LIMS1: variants seen among roughly 807,000 people sequenced by gnomAD.
LIMS1 encodes LIM zinc finger domain containing 1, also known as LIM and senescent cell antigen-like-containing domain protein 1.
LIMS1 carries 18 observed loss-of-function variants against 44.1 expected under a neutral mutation model. The observed-to-expected ratio is 0.41, with a 90% CI of 0.28 to 0.61. LIMS1 has a LOEUF of 0.61. LIMS1 is among the 20% of genes least tolerant of loss of function. The pLI is 0.32. For missense variants in LIMS1, 201 were observed against 422.0 expected, an observed-to-expected ratio of 0.48 and a Z score of 4.59; for synonymous variants, 93 against 149.1, an observed-to-expected ratio of 0.62 and a Z score of 2.74.
At chr2:108,640,519 G>A (rs1689600080) in intron 1 of LIMS1, among the ~76,000 whole-genome samples, 1 of 152,154 alleles carries the variant, frequency 6.6e-6, no homozygotes, top group African/African-American at 2.4e-5. Flanking sequence ...GGTTGAGCGT[G>A]GGGCCATTCC....
chr2:108,668,067 TG>T (rs1691909446), intron 2 of LIMS1, among the ~76,000 whole-genome samples: 1 of 152,174 alleles, frequency 6.6e-6, no homozygotes, highest in Admixed American at 6.5e-5. Flanking sequence ...TTTGTTTTTT[TG>T]TTTCTAATTG....
At chr2:108,607,201 CTT>C in intron 1 of LIMS1, 1 of 1,550,886 alleles carries the variant, frequency 6.4e-7, no homozygotes, top group Non-Finnish European at 8.7e-7. Flanking sequence ...GCATGGAGAG[CTT>C]AGCTTGGACA....
intron 1 of LIMS1, among the ~76,000 whole-genome samples, chr2:108,635,633 G>T (rs1052745961): frequency 7.6e-6 from 1 of 130,878 alleles, no homozygotes; most frequent in Non-Finnish European, 1.8e-5. Flanking sequence ...CCAGGAGGGG[G>T]AGGTTTCGGT....
chr2:108,597,955 G>C (rs1319007293), intron 1 of LIMS1, among the ~76,000 whole-genome samples: 1 of 152,072 alleles, frequency 6.6e-6, no homozygotes, highest in Non-Finnish European at 1.5e-5. Context: ...GCCTCCCAAA[G>C]TGGTGGGATT....
chr2:108,627,857 T>A (rs1688669689), intron 1 of LIMS1, among the ~76,000 whole-genome samples: 1 of 152,266 alleles, frequency 6.6e-6, no homozygotes, highest in Non-Finnish European at 1.5e-5. Context: ...ATGTTTCACA[T>A]AAATATGAAC....
chr2:108,588,985 A>G (rs1007710346), intron 1 of LIMS1, among the ~76,000 whole-genome samples: 2 of 152,264 alleles, frequency 1.3e-5, no homozygotes, highest in African/African-American at 2.4e-5. Flanking sequence ...AGAGCCTTCT[A>G]TAAAAGACCT....
At chr2:108,640,325 T>A (rs1689581623) in intron 1 of LIMS1, among the ~76,000 whole-genome samples, 1 of 152,202 alleles carries the variant, frequency 6.6e-6, no homozygotes, top group South Asian at 2.1e-4. Context: ...TTTCTAGAGA[T>A]CATCCAGGGA....
chr2:108,537,487 G>A (rs1377743223), intron 1 of LIMS1, among the ~76,000 whole-genome samples: 1 of 152,184 alleles, frequency 6.6e-6, no homozygotes, highest in African/African-American at 2.4e-5. Context: ...TGCCTTTCAG[G>A]ATTTTCCCTG....
chr2:108,549,220 T>G, intron 1 of LIMS1, among the ~76,000 whole-genome samples: 1 of 151,772 alleles, frequency 6.6e-6, no homozygotes, highest in Admixed American at 6.6e-5. Context: ...ACTTTTCAGT[T>G]GACTTGACAT....
chr2:108,545,179 G>C (rs1448758331), intron 1 of LIMS1, among the ~76,000 whole-genome samples: 1 of 152,122 alleles, frequency 6.6e-6, no homozygotes, highest in Non-Finnish European at 1.5e-5. Context: ...TGAAGAAATT[G>C]CATGGTTATC....
At chr2:108,606,589 T>G (rs1687277864) in intron 1 of LIMS1, among the ~76,000 whole-genome samples, 1 of 152,258 alleles carries the variant, frequency 6.6e-6, no homozygotes, top group Admixed American at 6.5e-5. Flanking sequence ...ATTTCTTAGG[T>G]ACCTACTGTT....
At chr2:108,680,736 G>A (rs766755888) in exon 9 of LIMS1, 1 of 1,610,162 alleles carries the variant, frequency 6.2e-7, no homozygotes, top group Non-Finnish European at 8.5e-7. Context: ...GAACTGCTTT[G>A]CCTGTTCTAC....
In LIMS1 at chr2:108,603,501, T is replaced by TTTTTG. The variant is rs1338620259; in HGVS notation, c.33-56100_33-56099insGTTTT. Among the ~76,000 whole-genome samples, 11 of 146,164 alleles carry TTTTTG rather than the reference T, an allele frequency of 7.5e-5. No homozygotes were observed. In the East Asian group the frequency reaches 1.8e-3, roughly 24 times the overall value. On this transcript the variant is annotated intron_variant, in intron 1 of 9. Coordinates refer to ENST00000544547, the Ensembl canonical transcript of LIMS1. ...AATGTCTCCTTTTCATCGCCTTTTTTTTTTTTTTTTTTTTTCCACTTGAGA... is the reference window on the plus strand; with the variant it reads ...AATGTCTCCTTTTCATCGCCTTTTTTTTTTGTTTTTTTTTTTTTTTCCACTTGAGA...
At chr2:108,607,778 A>G (rs115052859) in intron 1 of LIMS1, among the ~76,000 whole-genome samples, 176 of 152,314 alleles carry the variant, frequency 1.2e-3, no homozygotes, top group African/African-American at 4.2e-3. Context: ...GGAAATGGAT[A>G]TGATTTTAAT....
At chr2:108,621,147 G>A (rs1573470199) in intron 1 of LIMS1, 1 of 821,730 alleles carries the variant, frequency 1.2e-6, no homozygotes, top group East Asian at 2.9e-5. Context: ...GCGAGGCCCA[G>A]AGATAAGGCA....
intron 2 of LIMS1, among the ~76,000 whole-genome samples, chr2:108,667,550 AAATAT>A (rs1558837781): frequency 1.1e-5 from 1 of 88,190 alleles, no homozygotes; most frequent in African/African-American, 4.0e-5. Flanking sequence ...AAAAAAAAAA[AAATAT>A]ATATATATAT....
chr2:108,582,945 C>G (rs1001465458), intron 1 of LIMS1, among the ~76,000 whole-genome samples: 7 of 151,976 alleles, frequency 4.6e-5, no homozygotes, highest in Non-Finnish European at 7.4e-5. Context: ...GAACATTTTG[C>G]CCTTAATTGT....
intron 1 of LIMS1, among the ~76,000 whole-genome samples, chr2:108,648,489 C>T (rs1467705119): frequency 6.6e-6 from 1 of 152,190 alleles, no homozygotes; most frequent in Non-Finnish European, 1.5e-5. Flanking sequence ...AAAAAAGAGC[C>T]TGCATAGCCA....
At chr2:108,542,088 G>A (rs551988222) in intron 1 of LIMS1, among the ~76,000 whole-genome samples, 5 of 152,296 alleles carry the variant, frequency 3.3e-5, no homozygotes, top group African/African-American at 1.2e-4. Context: ...GAATCGAAAA[G>A]TTCAGGGCTA....
Sources: allele counts gnomAD v4.1 joint callset (sites outside exome capture counted in the v4.1 genomes callset), GRCh38; gene constraint gnomAD v4.1.1; transcripts MANE v1.5; gene names NCBI Gene and HGNC (gene_info 2026-07-23, HGNC 2026-07-21).